The following RIGI variants were observed in gnomAD, a reference collection of about 807,000 sequenced individuals.
RIGI encodes RNA sensor RIG-I, also known as antiviral innate immune response receptor RIG-I.
chr9:32,497,564 G>A, the RIGI span, among the ~76,000 whole-genome samples: 31 of 152,144 alleles, frequency 2.0e-4, no homozygotes, highest in Admixed American at 4.6e-4. Context: ...TGGTTAACAC[G>A]GTGAAACCCC....
chr9:32,516,528 C>G, the RIGI span, among the ~76,000 whole-genome samples: 1 of 152,210 alleles, frequency 6.6e-6, no homozygotes, highest in Admixed American at 6.5e-5. Context: ...GGCCCTGCTG[C>G]TGCCAGCCCC....
chr9:32,506,610 GTTTGTTT>G, the RIGI span, among the ~76,000 whole-genome samples: 2 of 152,064 alleles, frequency 1.3e-5, no homozygotes, highest in East Asian at 1.9e-4. Context: ...ATATAATCTG[GTTTGTTT>G]TTCCAGTATA....
the RIGI span, chr9:32,476,936 A>G: frequency 6.7e-7 from 1 of 1,493,424 alleles, no homozygotes; most frequent in Non-Finnish European, 9.2e-7. Flanking sequence ...CTTTTCAATG[A>G]ATAGTGCTGG....
chr9:32,504,168 T>C, the RIGI span, among the ~76,000 whole-genome samples: 1 of 152,014 alleles, frequency 6.6e-6, no homozygotes, highest in African/African-American at 2.4e-5. Context: ...ATGGCTTCAG[T>C]GCTCCTTTTC....
chr9:32,525,363 A>C, the RIGI span, among the ~76,000 whole-genome samples: 3 of 152,358 alleles, frequency 2.0e-5, no homozygotes, highest in East Asian at 5.8e-4. Context: ...TTACAGCGTG[A>C]GGGACCACGC....
At chr9:32,505,444 A>G in the RIGI span, among the ~76,000 whole-genome samples, 2 of 152,140 alleles carry the variant, frequency 1.3e-5, no homozygotes, top group Non-Finnish European at 2.9e-5. Flanking sequence ...CATAGGGAGA[A>G]TTGACATGTT....
chr9:32,493,702 A>G, the RIGI span: 3 of 1,155,924 alleles, frequency 2.6e-6, no homozygotes, highest in Non-Finnish European at 2.5e-6. Context: ...TATAGAAAAC[A>G]GAAGACCTTC....
the RIGI span, among the ~76,000 whole-genome samples, chr9:32,524,627 A>C: frequency 3.4e-5 from 1 of 29,376 alleles, no homozygotes; most frequent in African/African-American, 1.3e-4. Context: ...TTTTTTTTGG[A>C]GACAAGAGTC....
the RIGI span, among the ~76,000 whole-genome samples, chr9:32,464,388 C>CT: frequency 1.3e-5 from 2 of 151,872 alleles, no homozygotes; most frequent in Non-Finnish European, 2.9e-5. Context: ...TTTACTAAGC[C>CT]TTTTTTTGTT....
At chr9:32,515,192 G>A in the RIGI span, among the ~76,000 whole-genome samples, 1 of 151,926 alleles carries the variant, frequency 6.6e-6, no homozygotes, top group Non-Finnish European at 1.5e-5. Flanking sequence ...ACAAGGCCAG[G>A]AGTTCGAGAC....
chr9:32,505,153 AG>A, the RIGI span, among the ~76,000 whole-genome samples: 1 of 149,776 alleles, frequency 6.7e-6, no homozygotes, highest in Non-Finnish European at 1.5e-5. Flanking sequence ...AAAGCAGCCT[AG>A]AAAAAAATAG....
At chr9:32,464,290 C>G in the RIGI span, among the ~76,000 whole-genome samples, 1 of 151,578 alleles carries the variant, frequency 6.6e-6, no homozygotes, top group African/African-American at 2.4e-5. Flanking sequence ...AAACCCTTAT[C>G]AAAGCACCCA....
the RIGI span, among the ~76,000 whole-genome samples, chr9:32,479,067 T>C: frequency 3.5e-4 from 53 of 152,252 alleles, no homozygotes; most frequent in African/African-American, 1.3e-3. Context: ...ATCTTTATCT[T>C]CTAACATTAA....
the RIGI span, among the ~76,000 whole-genome samples, chr9:32,510,641 T>C: frequency 3.0e-3 from 455 of 152,226 alleles, no homozygotes; most frequent in Non-Finnish European, 4.3e-3. Flanking sequence ...ACATACCAAA[T>C]TGTAAAGACC....
the RIGI span, among the ~76,000 whole-genome samples, chr9:32,470,051 G>C: frequency 6.6e-6 from 1 of 152,168 alleles, no homozygotes; most frequent in Non-Finnish European, 1.5e-5. Context: ...TTTTCAGAAA[G>C]TTGCTTAAAA....
At chr9:32,476,632 T>C in the RIGI span, among the ~76,000 whole-genome samples, 1 of 149,736 alleles carries the variant, frequency 6.7e-6, no homozygotes, top group Non-Finnish European at 1.5e-5. Flanking sequence ...TTCTTGACCG[T>C]AGAGAGAAAA....
the RIGI span, chr9:32,488,813 TC>T: frequency 6.2e-7 from 1 of 1,613,352 alleles, no homozygotes; most frequent in South Asian, 1.1e-5. Context: ...AAGACAACTT[TC>T]CCCTTTTGTC....
At chr9:32,480,299 T>C in the RIGI span, 1 of 1,610,424 alleles carries the variant, frequency 6.2e-7, no homozygotes. Context: ...TTTCAAGTAA[T>C]CCAGAGCATC....
the RIGI span, among the ~76,000 whole-genome samples, chr9:32,469,789 G>A: frequency 6.6e-6 from 1 of 152,174 alleles, no homozygotes; most frequent in Non-Finnish European, 1.5e-5. Flanking sequence ...CCAAAATGGT[G>A]GCTCAAACAA....
Sources: gnomAD v4.1 joint callset for allele counts (sites outside exome capture counted in the v4.1 genomes callset) on GRCh38, gnomAD v4.1.1 for gene constraint, MANE v1.5 for transcripts, NCBI Gene and HGNC (gene_info 2026-07-23, HGNC 2026-07-21) for gene names.